Variants in MACF1 observed in about 807,000 individuals in gnomAD.
MACF1 encodes microtubule-actin cross-linking factor 1.
A neutral mutation model predicts 854.8 loss-of-function variants in MACF1; 193 were observed. That is an observed-to-expected ratio of 0.23 (90% CI 0.20 to 0.25). The LOEUF (loss-of-function observed/expected upper bound fraction) is 0.25. Among genes scored for constraint, MACF1 ranks in the 10% least tolerant of loss-of-function variants. The probability of loss-of-function intolerance (pLI) is 1.00; values close to 1 mark genes in which losing one functional copy is unlikely to be tolerated. For missense variants in MACF1, 7,722 were observed against 8,929.1 expected (o/e 0.86, Z 5.45); for synonymous variants, 3,185 against 3,226.7 (o/e 0.99, Z 0.44).
intron 2 of MACF1, among the ~76,000 whole-genome samples, chr1:39,156,028 C>T (rs531186480): frequency 2.6e-5 from 4 of 152,202 alleles, no homozygotes; most frequent in East Asian, 1.9e-4. Context: ...TCTGGGACTA[C>T]AGGCGCCCGC....
intron 2 of MACF1, among the ~76,000 whole-genome samples, chr1:39,115,602 G>T (rs1245016985): frequency 1.3e-5 from 2 of 152,160 alleles, no homozygotes. Flanking sequence ...TGTCCAGGAG[G>T]TAGTTGGTTG....
Position 39,361,478 on chromosome 1 carries a change from C to G in MACF1, c.12572C>G (p.Ala4191Gly). 1 of 1,614,152 alleles carries G rather than the reference C, an allele frequency of 6.2e-7. No homozygotes were observed. The highest frequency in any genetic ancestry group is 8.5e-7 in the Non-Finnish European group (1 of 1,180,038). Residue 4191 changes from alanine to glycine, a missense_variant, in exon 49 of 101, where the codon GCA becomes GGA. Physicochemically the swap from Ala to Gly is moderately conservative, Grantham distance 60 (BLOSUM62 0). This residue lies in a region of MACF1 where 2,807 missense variants were observed against 3,235.8 expected (regional missense o/e 0.87). Coordinates refer to ENST00000564288, the MANE Select transcript of MACF1 (RefSeq NM_001394062.1). Reference sequence around the variant, plus strand: ...GCAGCAGTGCTGCAGGGCAAACTGGCAGAGGTGAGCCAGCGGTTCGAACAG... The same window carrying G: ...GCAGCAGTGCTGCAGGGCAAACTGGGAGAGGTGAGCCAGCGGTTCGAACAG... ...TTAAVLQGKLAEVSQRFEQLC... is the reference protein window; with the variant it reads ...TTAAVLQGKLGEVSQRFEQLC...
intron 71 of MACF1, among the ~76,000 whole-genome samples, chr1:39,438,449 G>A (rs760992700): frequency 6.6e-5 from 10 of 152,236 alleles, no homozygotes; most frequent in African/African-American, 2.2e-4. Context: ...TGTGATCCCT[G>A]TATGTGGGAT....
intron 28 of MACF1, 66 bp downstream of exon 28, chr1:39,316,595 A>G (rs1022589202): frequency 6.6e-7 from 1 of 1,518,926 alleles, no homozygotes; most frequent in African/African-American, 1.4e-5. Context: ...TAGCAGAGAA[A>G]TGCAATTTTG....
At chr1:39,123,717 G>GTTTTTTTT (rs1170430073) in intron 2 of MACF1, among the ~76,000 whole-genome samples, 30 of 100,492 alleles carry the variant, frequency 3.0e-4, no homozygotes, top group African/African-American at 5.6e-4. Flanking sequence ...TTCTTGTTTT[G>GTTTTTTTT]TTTTTTTTTT....
At chr1:39,410,347 A>G (rs752195040) in intron 58 of MACF1, 17 of 1,613,836 alleles carry the variant, frequency 1.1e-5, no homozygotes, top group Middle Eastern at 3.3e-4. Flanking sequence ...GGATGGCTAC[A>G]TAGAGGACTG....
At chr1:39,090,996 C>CTTTTT (rs139017231) in intron 2 of MACF1, among the ~76,000 whole-genome samples, 2 of 152,066 alleles carry the variant, frequency 1.3e-5, no homozygotes, top group Non-Finnish European at 2.9e-5. Context: ...GCCTGAAAGC[C>CTTTTT]CTGTCTTGGC....
chr1:39,349,376 A>G (rs554576237), intron 41 of MACF1, 102 bp from the exon 42 acceptor site: 3 of 1,258,998 alleles, frequency 2.4e-6, no homozygotes, highest in South Asian at 2.9e-5. Context: ...CAACTTTTCC[A>G]TCCTTGAGAT....
At chr1:39,436,146 A>C (rs1191522395) in intron 70 of MACF1, 1 of 413,308 alleles carries the variant, frequency 2.4e-6, no homozygotes, top group African/African-American at 2.0e-5. Flanking sequence ...TAGTTTTCTT[A>C]AGCAACCAGC....
chr1:39,379,794 A>C (rs931767463), intron 54 of MACF1, among the ~76,000 whole-genome samples: 4 of 152,206 alleles, frequency 2.6e-5, no homozygotes, highest in African/African-American at 9.6e-5. Flanking sequence ...CAATTCTTAG[A>C]GGGATCTAAA....
At chr1:39,268,486 G>T (rs571314878) in intron 6 of MACF1, 170 of 1,133,860 alleles carry the variant, frequency 1.5e-4, no homozygotes, top group Admixed American at 9.5e-4. Context: ...TTGTCTTGTT[G>T]CAGCTCTGAG....
Position 39,307,214 on chromosome 1 carries a change from A to G in MACF1, c.2790-2356A>G, listed in dbSNP as rs554137917. On this transcript the variant is annotated intron_variant, in intron 23 of 100. Transcript: ENST00000564288. Reference sequence around the variant, plus strand: ...CTCTGAACTCTGAAATCATTGCTCTATTGCTTTCTAGCTTTCAGGATTTCT... The same window carrying G: ...CTCTGAACTCTGAAATCATTGCTCTGTTGCTTTCTAGCTTTCAGGATTTCT... 1.9e-4 allele frequency among the ~76,000 whole-genome samples: 28 copies of G among 150,428 alleles called. 1 individual carries two copies. The highest frequency in any genetic ancestry group is 6.3e-4 in the African/African-American group (26 of 41,020).
chr1:39,295,193 T>G (rs759031959), intron 19 of MACF1, 43 bp downstream of exon 19: 9 of 1,507,808 alleles, frequency 6.0e-6, no homozygotes, highest in South Asian at 1.1e-5. Flanking sequence ...GCTGAGAGGT[T>G]GTTGTTATAA....
rs542694146 is a variant in MACF1 at position 39,132,721 on chromosome 1, C to T, written c.220+48283C>T. ...TGTTTGATAGCATATTTTCTGAGTA[C>T]CAGGAGACACTTGATGACTATAAAA... On this transcript the variant is annotated intron_variant, in intron 2 of 93. Transcript: ENST00000361689. 9.2e-5 allele frequency among the ~76,000 whole-genome samples: 14 copies of T among 152,056 alleles called. No individual in the cohort carries two copies. The South Asian group carries it at 2.9e-3, about 32-fold the overall frequency.
intron 1 of MACF1, among the ~76,000 whole-genome samples, chr1:39,216,613 T>C (rs749084378): frequency 2.6e-4 from 39 of 151,924 alleles, no homozygotes; most frequent in Non-Finnish European, 4.3e-4. Flanking sequence ...TAGGTGCTTT[T>C]TGAGGAAAAA....
chr1:39,335,484 C>A lies in MACF1; in HGVS notation c.8896C>A (p.Pro2966Thr). 2 of 1,614,088 alleles carry A rather than the reference C, an allele frequency of 1.2e-6. No homozygotes were observed. Among genetic ancestry groups the A allele is most frequent in the Non-Finnish European group, 1.7e-6 (2 of 1,180,000 alleles). The change falls in exon 37 of 101, where the codon CCA becomes ACA. Residue 2966 changes from proline (P) to threonine (T), a missense_variant. Pro to Thr is a conservative substitution (Grantham distance 38). Around this residue, in one of 15 missense-constraint regions of MACF1, gnomAD observed 854 missense variants for 852.6 expected, o/e 1.00. Transcript: ENST00000564288. ...KLPSEQVLQQ[P>T]MNARVKSKRE... ...GCCGAGTGAGCAGGTTTTGCAGCAA[C>A]CAATGAATGCTCGGGTGAAAAGTAA...
Position 39,331,473 on chromosome 1 carries a change from A to C in MACF1, c.4885A>C (p.Arg1629=). 1 of 1,614,192 alleles carries C rather than the reference A, an allele frequency of 6.2e-7. No homozygotes were observed. The highest frequency in any genetic ancestry group is 1.1e-5 in the South Asian group (1 of 91,088). The part of the protein sequence containing the change: ...LALISRLTES[R]GPLSVVEAIE... The stretch of plus-strand genomic sequence containing the variant: ...CTTAATAAGCAGGCTTACTGAGAGC[A>C]GAGGCCCTCTTTCTGTGGTGGAAGC... The change falls in exon 37 of 101, where the codon AGA becomes CGA. Residue 1629 remains arginine, a synonymous_variant. Transcript: ENST00000564288.
At position 39,350,874 on chromosome 1, in the gene MACF1, G is replaced by A. The variant is rs41270815; in HGVS notation, c.11055G>A (p.Lys3685=). ...IEGFMEENQT[K]LSPRELTALR... is the part of the protein sequence containing the mutation. The stretch of plus-strand genomic sequence containing the variant: ...GGTTCATGGAAGAGAATCAGACCAA[G>A]CTGAGCCCACGTGAGTTGACAGCTC... The change falls in exon 43 of 101, where the codon AAG becomes AAA. Residue 3685 remains lysine, a synonymous_variant. Transcript: ENST00000564288. The A allele has an allele frequency of 0.074, 119,822 of 1,613,954 alleles. 4,994 individuals are homozygous for A. Among genetic ancestry groups the A allele is most frequent in the South Asian group, 0.12 (11,230 of 91,068 alleles).
chr1:39,215,323 C>A (rs900244502), intron 1 of MACF1: 1 of 152,602 alleles, frequency 6.6e-6, no homozygotes, highest in Non-Finnish European at 1.5e-5. Context: ...TTCTTTGGTA[C>A]CCCCTCCTTT....
Sources: gnomAD v4.1 joint callset for allele counts (sites outside exome capture counted in the v4.1 genomes callset) on GRCh38, gnomAD v4.1.1 for gene constraint, gnomAD v4.1.1 regional missense constraint, MANE v1.5 for transcripts, NCBI Gene and HGNC (gene_info 2026-07-23, HGNC 2026-07-21) for gene names.